The following KLHL13 variants were observed in gnomAD, a reference collection of about 807,000 sequenced individuals.
The protein encoded by KLHL13 is kelch like family member 13.
A neutral mutation model predicts 37.1 loss-of-function variants in KLHL13; 10 were observed. The ratio of observed to expected loss-of-function variants is 0.27; its 90% CI spans 0.17 to 0.46. KLHL13 has a LOEUF of 0.46. KLHL13 is among the 20% of genes least tolerant of loss of function. The probability of loss-of-function intolerance (pLI) is 1.00; values close to 1 mark genes in which losing one functional copy is unlikely to be tolerated. For synonymous variants in KLHL13, 163 were observed against 181.2 expected (o/e 0.90, Z 0.81); for missense variants, 360 against 509.3 (o/e 0.71, Z 2.82).
chrX:118,110,116 G>A (rs929397248), intron 1 of KLHL13, among the ~76,000 whole-genome samples: 23 of 111,634 alleles, frequency 2.1e-4, no homozygotes, highest in South Asian at 1.9e-3. Flanking sequence ...GTTATATAAA[G>A]ATAATACTGA....
At chrX:117,964,100 C>T (rs760544359) in intron 1 of KLHL13, among the ~76,000 whole-genome samples, 9 of 96,950 alleles carry the variant, frequency 9.3e-5, no homozygotes, top group East Asian at 6.9e-4. Flanking sequence ...CTAGATGACA[C>T]GTTAGTGGGT....
chrX:117,982,295 T>C (rs760924118), intron 1 of KLHL13, among the ~76,000 whole-genome samples: 1 of 111,510 alleles, frequency 9.0e-6, no homozygotes, highest in Non-Finnish European at 1.9e-5. Flanking sequence ...TATTAAAATA[T>C]CAAAACTCAC....
intron 1 of KLHL13, among the ~76,000 whole-genome samples, chrX:118,107,230 A>G (rs2055356718): frequency 8.9e-6 from 1 of 112,268 alleles, no homozygotes; most frequent in Non-Finnish European, 1.9e-5. Context: ...TTAAATATAT[A>G]TTGGGCTAAT....
intron 4 of KLHL13, among the ~76,000 whole-genome samples, chrX:117,910,680 G>A (rs1017002511): frequency 9.0e-6 from 1 of 111,245 alleles, no homozygotes; most frequent in Non-Finnish European, 1.9e-5. Context: ...ATTATCCCTA[G>A]GGCAAATTAA....
intron 2 of KLHL13, among the ~76,000 whole-genome samples, chrX:117,942,596 C>CT (rs1011042620): frequency 2.7e-5 from 3 of 111,351 alleles, no homozygotes; most frequent in Non-Finnish European, 3.8e-5. Flanking sequence ...CCTTCTTTGT[C>CT]TTTTTTTATC....
At chrX:118,069,240 G>GA (rs1402660613) in intron 1 of KLHL13, among the ~76,000 whole-genome samples, 2 of 108,515 alleles carry the variant, frequency 1.8e-5, no homozygotes, top group Non-Finnish European at 3.8e-5. Context: ...AGGTATTCCA[G>GA]AAAAAAAGCA....
At position 118,071,587 on chromosome X, in the gene KLHL13, C is replaced by A. The variant is rs1222839315; in HGVS notation, c.-56+44921G>T. ...AGAAGTGTCTAGAAAACCCCATTGT[C>A]TCAGCCCAAGATCTCCTTAAGCTGA... On this transcript the variant is annotated intron_variant, in intron 1 of 6. Transcript: ENST00000371882. Among the ~76,000 whole-genome samples the A allele has an allele frequency of 4.5e-5, 5 of 111,369 alleles. No individual in the cohort carries two copies. In the Admixed American group the frequency reaches 4.8e-4, roughly 11 times the overall value.
intron 2 of KLHL13, among the ~76,000 whole-genome samples, chrX:117,921,995 CCT>C (rs1280122830): frequency 2.6e-3 from 287 of 112,037 alleles, no homozygotes; most frequent in African/African-American, 8.6e-3. Context: ...CACAAATGCC[CCT>C]TTTTCTTTGT....
At chrX:118,111,631 G>A (rs1160584666) in intron 1 of KLHL13, among the ~76,000 whole-genome samples, 2 of 112,509 alleles carry the variant, frequency 1.8e-5, no homozygotes, top group African/African-American at 3.2e-5. Flanking sequence ...AGTGGCTCAC[G>A]CCTGTAATCC....
intron 5 of KLHL13, among the ~76,000 whole-genome samples, chrX:117,903,054 C>T (rs577887080): frequency 3.7e-5 from 4 of 108,822 alleles, no homozygotes; most frequent in Non-Finnish European, 7.6e-5. Flanking sequence ...GGTTTAGCTA[C>T]TTGCAACCAA....
chrX:117,991,137 T>TAAAAAAAAAAAAAAAAAAAAAAAAAAA lies in KLHL13; in HGVS notation c.-55-45563_-55-45562insTTTTTTTTTTTTTTTTTTTTTTTTTTT, dbSNP rs750755409. On this transcript the variant is annotated intron_variant, in intron 1 of 6. Transcript: ENST00000371882. ...AAGGCTGGAAATTTTCATTAAAAAG[T>TAAAAAAAAAAAAAAAAAAAAAAAAAAA]AAAAAAAAAAAAGTCTTATAAATGA... Among the ~76,000 whole-genome samples, 14 of 83,863 alleles carry TAAAAAAAAAAAAAAAAAAAAAAAAAAA rather than the reference T, an allele frequency of 1.7e-4. 1 individual carries two copies. The highest frequency in any genetic ancestry group is 1.1e-3 in the African/African-American group (14 of 13,312). 72.8% of individuals were successfully genotyped at this position (83,863 alleles called of 115,157 possible).
chrX:118,043,687 T>TCGC (rs2054529434), intron 1 of KLHL13, among the ~76,000 whole-genome samples: 1 of 111,530 alleles, frequency 9.0e-6, no homozygotes, highest in East Asian at 2.8e-4. Flanking sequence ...AAATTCAACA[T>TCGC]CGCTTCATGA....
At chrX:118,075,309 T>G (rs1033099152) in intron 1 of KLHL13, among the ~76,000 whole-genome samples, 2 of 111,726 alleles carry the variant, frequency 1.8e-5, no homozygotes, top group Non-Finnish European at 3.8e-5. Flanking sequence ...AAAAAAAGAT[T>G]TTTTTATACT....
chrX:117,917,080 C>G (rs951222414), intron 4 of KLHL13, among the ~76,000 whole-genome samples: 1 of 111,010 alleles, frequency 9.0e-6, no homozygotes, highest in Non-Finnish European at 1.9e-5. Flanking sequence ...ATAGGTTTAA[C>G]TAAAAAAACA....
intron 1 of KLHL13, among the ~76,000 whole-genome samples, chrX:118,021,369 C>T (rs1193021938): frequency 9.4e-6 from 1 of 106,409 alleles, no homozygotes; most frequent in Non-Finnish European, 1.9e-5. Context: ...AGGTATATCT[C>T]CTAATGTTAT....
intron 1 of KLHL13, among the ~76,000 whole-genome samples, chrX:117,949,046 T>A (rs980225752): frequency 8.9e-5 from 10 of 112,119 alleles, no homozygotes; most frequent in African/African-American, 3.2e-4. Context: ...TATTTAAAAT[T>A]ACCCGAACGG....
intron 1 of KLHL13, among the ~76,000 whole-genome samples, chrX:118,057,667 A>G (rs2054699528): frequency 9.0e-6 from 1 of 110,557 alleles, no homozygotes; most frequent in Admixed American, 9.6e-5. Context: ...TAAAAATACA[A>G]GAAAAAAAAT....
chrX:118,062,254 A>T (rs1343319568), intron 1 of KLHL13, among the ~76,000 whole-genome samples: 2 of 111,019 alleles, frequency 1.8e-5, no homozygotes, highest in Non-Finnish European at 3.8e-5. Flanking sequence ...TTGTGAGAAT[A>T]TCGTACTTCC....
At chrX:117,997,620 T>A (rs1362843786) in intron 1 of KLHL13, among the ~76,000 whole-genome samples, 6 of 112,215 alleles carry the variant, frequency 5.3e-5, no homozygotes, top group Admixed American at 2.8e-4. Context: ...GCAAGGCTCA[T>A]TTGTGCCACA....
Sources: gnomAD v4.1 joint callset for allele counts (sites outside exome capture counted in the v4.1 genomes callset) on GRCh38, gnomAD v4.1.1 for gene constraint, MANE v1.5 for transcripts, NCBI Gene and HGNC (gene_info 2026-07-23, HGNC 2026-07-21) for gene names.